ROBO2: variants seen among roughly 807,000 people sequenced by gnomAD.
ROBO2 encodes roundabout guidance receptor 2.
In ROBO2, 53 loss-of-function variants were observed where a neutral mutation model predicts 160.8. The ratio of observed to expected loss-of-function variants is 0.33; its 90% CI spans 0.26 to 0.41. The LOEUF is 0.41. Among genes scored for constraint, ROBO2 ranks in the 10% least tolerant of loss-of-function variants. ROBO2 has a pLI of 1.00. For missense variants in ROBO2, 1,577 were observed against 1,722.4 expected, an observed-to-expected ratio of 0.92 and a Z score of 1.49; for synonymous variants, 664 against 611.7, an observed-to-expected ratio of 1.09 and a Z score of -1.26.
At chr3:76,788,767 A>G (rs1047842674) in intron 2 of ROBO2, among the ~76,000 whole-genome samples, 1 of 151,588 alleles carries the variant, frequency 6.6e-6, no homozygotes, top group Non-Finnish European at 1.5e-5. Context: ...AAAGATGTCC[A>G]CTAATATTTC....
chr3:77,047,273 T>C (rs1432900002), intron 1 of ROBO2, among the ~76,000 whole-genome samples: 1 of 152,200 alleles, frequency 6.6e-6, no homozygotes. Context: ...CACTACTGAA[T>C]GAGTATGAAC....
At chr3:77,341,593 A>G (rs2067069248) in intron 2 of ROBO2, among the ~76,000 whole-genome samples, 1 of 152,138 alleles carries the variant, frequency 6.6e-6, no homozygotes, top group Non-Finnish European at 1.5e-5. Flanking sequence ...ATGAAAAGAA[A>G]TATCCTCAAA....
At chr3:76,933,928 A>T (rs2077513142) in intron 2 of ROBO2, among the ~76,000 whole-genome samples, 1 of 152,212 alleles carries the variant, frequency 6.6e-6, no homozygotes, top group African/African-American at 2.4e-5. Context: ...TCATTATAGA[A>T]ATATTGCTTA....
intron 2 of ROBO2, among the ~76,000 whole-genome samples, chr3:76,044,452 A>G (rs1332803795): frequency 6.6e-6 from 1 of 152,024 alleles, no homozygotes; most frequent in African/African-American, 2.4e-5. Flanking sequence ...GACATTCACT[A>G]CTTTTTTTGT....
At chr3:76,891,780 C>T (rs1022224388) in intron 2 of ROBO2, among the ~76,000 whole-genome samples, 3 of 152,070 alleles carry the variant, frequency 2.0e-5, no homozygotes, top group Admixed American at 1.3e-4. Context: ...TTATAGGAGA[C>T]AAAATTTTCT....
chr3:76,815,336 A>G (rs1026677901), intron 2 of ROBO2, among the ~76,000 whole-genome samples: 3 of 152,044 alleles, frequency 2.0e-5, no homozygotes, highest in African/African-American at 7.2e-5. Flanking sequence ...ATGGTACAGA[A>G]TCTTTGAGTC....
intron 2 of ROBO2, among the ~76,000 whole-genome samples, chr3:76,582,388 T>G (rs147614568): frequency 1.3e-5 from 2 of 152,260 alleles, no homozygotes; most frequent in African/African-American, 4.8e-5. Flanking sequence ...ACAGGAGAAT[T>G]CAATTTTTCA....
At chr3:76,211,276 C>T (rs1703130501) in intron 2 of ROBO2, among the ~76,000 whole-genome samples, 2 of 151,960 alleles carry the variant, frequency 1.3e-5, no homozygotes, top group South Asian at 2.1e-4. Context: ...AAATTTTACT[C>T]ATAATTAAAC....
intron 2 of ROBO2, among the ~76,000 whole-genome samples, chr3:77,357,863 C>A (rs925994718): frequency 1.3e-5 from 2 of 152,130 alleles, no homozygotes; most frequent in African/African-American, 4.8e-5. Context: ...CTAAAAACTA[C>A]CTTTCCCTAT....
At chr3:77,164,401 C>T (rs1416456729) in intron 2 of ROBO2, among the ~76,000 whole-genome samples, 6 of 99,234 alleles carry the variant, frequency 6.0e-5, no homozygotes, top group Non-Finnish European at 2.8e-5. Flanking sequence ...GGGGTCAGCC[C>T]CCCGCCCGGC....
chr3:75,941,362 G>C (rs1948046171), intron 2 of ROBO2, among the ~76,000 whole-genome samples: 1 of 152,152 alleles, frequency 6.6e-6, no homozygotes, highest in East Asian at 1.9e-4. Context: ...AAGAAGAATG[G>C]AATGAATATG....
chr3:77,001,702 A>AT (rs1399080136), intron 2 of ROBO2, among the ~76,000 whole-genome samples: 1 of 152,176 alleles, frequency 6.6e-6, no homozygotes, highest in Non-Finnish European at 1.5e-5. Context: ...GCTCTTCCTC[A>AT]TAATATCAAA....
chr3:76,905,761 A>G (rs2075560866), intron 2 of ROBO2, among the ~76,000 whole-genome samples: 1 of 152,178 alleles, frequency 6.6e-6, no homozygotes, highest in African/African-American at 2.4e-5. Context: ...ACTGTCTTAC[A>G]TGCTTCTTAT....
chr3:77,302,178 A>G (rs1041634751), intron 2 of ROBO2, among the ~76,000 whole-genome samples: 1 of 151,824 alleles, frequency 6.6e-6, no homozygotes, highest in Non-Finnish European at 1.5e-5. Flanking sequence ...CTGGCCTTAA[A>G]TGATCCTCCT....
At chr3:76,758,018 C>G (rs2061080741) in intron 2 of ROBO2, among the ~76,000 whole-genome samples, 1 of 151,670 alleles carries the variant, frequency 6.6e-6, no homozygotes, top group African/African-American at 2.4e-5. Flanking sequence ...ATGCATGGCA[C>G]AGGTTAAATG....
intron 2 of ROBO2, among the ~76,000 whole-genome samples, chr3:76,945,746 G>A (rs942139324): frequency 6.6e-6 from 1 of 152,112 alleles, no homozygotes; most frequent in Non-Finnish European, 1.5e-5. Flanking sequence ...TCACATATGA[G>A]ACATTTTACC....
chr3:76,274,844 A>C (rs1179024509), intron 2 of ROBO2, among the ~76,000 whole-genome samples: 2 of 151,996 alleles, frequency 1.3e-5, no homozygotes, highest in Non-Finnish European at 2.9e-5. Flanking sequence ...TTCAAAAAAA[A>C]AAAAAAAAGA....
intron 2 of ROBO2, among the ~76,000 whole-genome samples, chr3:76,259,687 C>G (rs1322737914): frequency 6.6e-6 from 1 of 152,062 alleles, no homozygotes; most frequent in Non-Finnish European, 1.5e-5. Flanking sequence ...GCTTTCAGTC[C>G]TTATAAGAAG....
intron 2 of ROBO2, chr3:77,317,222 C>A (rs542977545): frequency 2.4e-6 from 2 of 817,124 alleles, no homozygotes; most frequent in African/African-American, 3.4e-5. Context: ...TGGAAATCCA[C>A]GTCACAGCCC....
Sources: gnomAD v4.1 joint callset for allele counts (sites outside exome capture counted in the v4.1 genomes callset) on GRCh38, gnomAD v4.1.1 for gene constraint, MANE v1.5 for transcripts, NCBI Gene and HGNC (gene_info 2026-07-23, HGNC 2026-07-21) for gene names.